TNIK: variants seen among roughly 807,000 people sequenced by gnomAD.
TNIK encodes TRAF2 and NCK-interacting protein kinase.
Under a neutral mutation model 191.3 loss-of-function variants are expected in TNIK, and 49 were observed. The ratio of observed to expected loss-of-function variants is 0.26; its 90% confidence interval spans 0.20 to 0.32. The LOEUF (loss-of-function observed/expected upper bound fraction) is 0.32. Among genes scored for constraint, TNIK ranks in the 10% least tolerant of loss-of-function variants. The probability of loss-of-function intolerance (pLI) is 1.00; values close to 1 mark genes in which losing one functional copy is unlikely to be tolerated. For synonymous variants in TNIK, 594 were observed against 600.9 expected (o/e 0.99, Z 0.17); for missense variants, 1,155 against 1,702.3 (o/e 0.68, Z 5.66).
chr3:171,397,835 CT>C (rs550059988), intron 1 of TNIK, among the ~76,000 whole-genome samples: 1 of 152,272 alleles, frequency 6.6e-6, no homozygotes, highest in Non-Finnish European at 1.5e-5. Flanking sequence ...AACATACACG[CT>C]TTTTTTCTTT....
At chr3:171,103,157 A>C (rs1723886418) in intron 21 of TNIK, among the ~76,000 whole-genome samples, 1 of 152,078 alleles carries the variant, frequency 6.6e-6, no homozygotes, top group Non-Finnish European at 1.5e-5. Context: ...TTTGCATTAC[A>C]TACAGAAACA....
chr3:171,395,266 C>T (rs1013900896), intron 1 of TNIK, among the ~76,000 whole-genome samples: 1 of 152,182 alleles, frequency 6.6e-6, no homozygotes, highest in South Asian at 2.1e-4. Context: ...CTAACTGGCT[C>T]TTTGATTCTG....
intron 7 of TNIK, among the ~76,000 whole-genome samples, chr3:171,181,536 G>C (rs772409784): frequency 3.3e-5 from 5 of 152,238 alleles, no homozygotes; most frequent in Non-Finnish European, 7.3e-5. Flanking sequence ...ATGGCAGTTA[G>C]GGATGTGACA....
intron 6 of TNIK, 24 bp from the exon 7 acceptor site, chr3:171,188,856 T>C (rs1265653521): frequency 1.2e-6 from 2 of 1,611,126 alleles, no homozygotes; most frequent in Admixed American, 3.3e-5. Flanking sequence ...GACAAGTAAA[T>C]AAAGTCTGTG....
At chr3:171,388,401 C>G (rs1240057348) in intron 1 of TNIK, among the ~76,000 whole-genome samples, 2 of 152,198 alleles carry the variant, frequency 1.3e-5, no homozygotes, top group African/African-American at 4.8e-5. Context: ...AATGTAGTAA[C>G]TTACATATTT....
At chr3:171,330,587 A>G (rs1048557361) in intron 2 of TNIK, among the ~76,000 whole-genome samples, 1 of 152,164 alleles carries the variant, frequency 6.6e-6, no homozygotes, top group African/African-American at 2.4e-5. Flanking sequence ...TACACATCAC[A>G]GGAATTCTGC....
At position 171,230,938 on chromosome 3, in the gene TNIK, AACTCTAGTCTGCTCTGCCTCCCG is replaced by A. The variant is rs560649444; in HGVS notation, c.124-2740_124-2718del. ...GGTTCAAGCAGGGACTTGACTGCCC[AACTCTAGTCTGCTCTGCCTCCCG>A]ACTCCCCTCATTCCTGAGGGAGTCC... On this transcript the variant is annotated intron_variant, in intron 2 of 32. Coordinates refer to ENST00000436636, the MANE Select transcript of TNIK (RefSeq NM_015028.4). Among the ~76,000 whole-genome samples the A allele has an allele frequency of 5.1e-3, 778 of 152,280 alleles. 5 individuals carry two copies. Among genetic ancestry groups the A allele is most frequent in the Admixed American group, 0.012 (183 of 15,286 alleles).
At chr3:171,430,212 C>T (rs1041767166) in intron 1 of TNIK, among the ~76,000 whole-genome samples, 1 of 152,138 alleles carries the variant, frequency 6.6e-6, no homozygotes, top group African/African-American at 2.4e-5. Context: ...TTGAGTTTTG[C>T]AATACTGTTT....
intron 2 of TNIK, among the ~76,000 whole-genome samples, chr3:171,329,261 A>T (rs1245020702): frequency 6.6e-6 from 1 of 152,178 alleles, no homozygotes; most frequent in Non-Finnish European, 1.5e-5. Flanking sequence ...CATTTTAAAA[A>T]ATTATTTAAT....
At chr3:171,311,637 C>A (rs1180432823) in intron 2 of TNIK, among the ~76,000 whole-genome samples, 1 of 152,132 alleles carries the variant, frequency 6.6e-6, no homozygotes, top group African/African-American at 2.4e-5. Flanking sequence ...GTATTGAGAA[C>A]CTTCCCCCAG....
Position 171,087,526 on chromosome 3 carries a change from G to A in TNIK, c.2722-20C>T. The A allele has an allele frequency of 6.2e-7, 1 of 1,611,354 alleles. No individual in the cohort carries two copies. Among genetic ancestry groups the A allele is most frequent in the South Asian group, 1.1e-5 (1 of 90,950 alleles). ...AGACGTCTGAGGGAGCACAGCACGTGGGAGGAGTTAGAGAGGGGGGAAAAA... is the reference window on the plus strand; with the variant it reads ...AGACGTCTGAGGGAGCACAGCACGTAGGAGGAGTTAGAGAGGGGGGAAAAA... On this transcript the variant is annotated intron_variant, in intron 23 of 32. Transcript: ENST00000436636.
chr3:171,298,333 T>A (rs1269805061), intron 2 of TNIK, among the ~76,000 whole-genome samples: 2 of 152,208 alleles, frequency 1.3e-5, no homozygotes, highest in Non-Finnish European at 2.9e-5. Context: ...AAATGGAACT[T>A]TTTTTGCGAA....
At chr3:171,123,515 A>C in intron 18 of TNIK, 81 bp downstream of exon 18, 1 of 1,200,242 alleles carries the variant, frequency 8.3e-7, no homozygotes, top group Non-Finnish European at 1.1e-6. Context: ...AGAAAAAAGA[A>C]CACAGGCATT....
chr3:171,282,656 C>T (rs926409677), intron 2 of TNIK, among the ~76,000 whole-genome samples: 5 of 152,042 alleles, frequency 3.3e-5, no homozygotes. Context: ...TTAATCGTAT[C>T]TTAAAGCATT....
At chr3:171,375,272 T>C (rs977984879) in intron 1 of TNIK, among the ~76,000 whole-genome samples, 4 of 152,236 alleles carry the variant, frequency 2.6e-5, no homozygotes, top group African/African-American at 9.6e-5. Flanking sequence ...AATGAGTTCA[T>C]GTAATAAACA....
chr3:171,138,134 A>G lies in TNIK; in HGVS notation c.1608+57T>C, dbSNP rs1016154662. 5 of 1,459,606 alleles carry G rather than the reference A, an allele frequency of 3.4e-6. No individual in the cohort carries two copies. The African/African-American group carries it at 4.2e-5, about 12-fold the overall frequency. The allele number at this position is 1,459,606 out of a possible 1,614,324, so 90.4% of individuals were successfully genotyped here. On this transcript the variant is annotated intron_variant, in intron 15 of 32. Coordinates refer to ENST00000436636, the MANE Select transcript of TNIK (RefSeq NM_015028.4). ...GGTTAACTCTCCACTTCTATCACAC[A>G]AACTCATTAGAGTCAAAAGCCTGGC... is the stretch of plus-strand genomic sequence containing the variant.
chr3:171,376,717 A>T (rs1292334186), intron 1 of TNIK, among the ~76,000 whole-genome samples: 2 of 148,226 alleles, frequency 1.3e-5, no homozygotes, highest in African/African-American at 5.3e-5. Flanking sequence ...CAAGTAAAAA[A>T]CATAAATATA....
At chr3:171,266,048 A>C (rs752035798) in intron 2 of TNIK, among the ~76,000 whole-genome samples, 2 of 152,216 alleles carry the variant, frequency 1.3e-5, no homozygotes, top group Admixed American at 6.5e-5. Context: ...GGCAGATGTA[A>C]ATGCGGCACG....
chr3:171,109,077 G>A (rs1330994145), intron 19 of TNIK, among the ~76,000 whole-genome samples: 2 of 152,200 alleles, frequency 1.3e-5, no homozygotes, highest in Non-Finnish European at 2.9e-5. Flanking sequence ...AATTAAAATG[G>A]TATGCGTTTA....
Sources: gnomAD v4.1 joint callset for allele counts (sites outside exome capture counted in the v4.1 genomes callset) on GRCh38, gnomAD v4.1.1 for gene constraint, MANE v1.5 for transcripts, NCBI Gene and HGNC (gene_info 2026-07-23, HGNC 2026-07-21) for gene names.